The following IGF1R variants were observed in gnomAD, a reference collection of about 807,000 sequenced individuals.
IGF1R encodes the protein insulin like growth factor 1 receptor, also known as insulin-like growth factor 1 receptor.
A neutral mutation model predicts 144.6 loss-of-function variants in IGF1R; 44 were observed. The observed-to-expected ratio is 0.30, with a 90% CI of 0.24 to 0.39. The LOEUF (loss-of-function observed/expected upper bound fraction) is 0.39. Ranked by LOEUF, IGF1R falls within the 10% of genes least tolerant of loss-of-function variation. The pLI is 1.00. For synonymous variants in IGF1R, 795 were observed against 722.8 expected, an observed-to-expected ratio of 1.10 and a Z score of -1.60; for missense variants, 1,355 against 1,833.7, an observed-to-expected ratio of 0.74 and a Z score of 4.77.
intron 2 of IGF1R, among the ~76,000 whole-genome samples, chr15:98,833,179 A>G (rs976292760): frequency 2.0e-5 from 3 of 152,188 alleles, no homozygotes; most frequent in African/African-American, 7.2e-5. Flanking sequence ...AAACCAGCCA[A>G]TCAGCCAAGA....
At position 98,963,903 on chromosome 15, in the gene IGF1R, A is replaced by C. The variant is rs1596503776; in HGVS notation, c.*6461A>C. Reference sequence around the variant, plus strand: ...GGCCATGTCTCCCCAACTCCACAATATCTCTATCATGGGAAACACCTGGGG... The same window carrying C: ...GGCCATGTCTCCCCAACTCCACAATCTCTCTATCATGGGAAACACCTGGGG... On this transcript the variant is annotated 3_prime_UTR_variant, in exon 21 of 21. Coordinates refer to ENST00000650285, the MANE Select transcript of IGF1R (RefSeq NM_000875.5). 4.3e-6 allele frequency: 1 copy of C among 233,232 alleles called. No individual in the cohort carries two copies. Among genetic ancestry groups the C allele is most frequent in the Non-Finnish European group, 8.5e-6 (1 of 117,964 alleles). 14.4% of individuals were successfully genotyped at this position (233,232 alleles called of 1,614,324 possible).
chr15:98,963,271 AAAG>A lies in IGF1R; in HGVS notation c.*5830_*5832del, dbSNP rs1251657688. On this transcript the variant is annotated 3_prime_UTR_variant, in exon 21 of 21. Transcript: ENST00000650285. ...CTAGCTAGCTTTACAATATGCCAAA[AAAG>A]GATTTCTCCCTGACCCCATCCGTGG... The A allele has an allele frequency of 4.3e-6, 1 of 233,232 alleles. No homozygotes were observed. Among genetic ancestry groups the A allele is most frequent in the Admixed American group, 5.6e-5 (1 of 17,746 alleles). The allele number at this position is 233,232 out of a possible 1,614,324, so 14.4% of individuals were successfully genotyped here. A position where few individuals can be genotyped will look rare whatever the true frequency, so the allele number is the denominator to read the frequency against.
At chr15:98,827,749 A>G (rs1252528657) in intron 2 of IGF1R, among the ~76,000 whole-genome samples, 1 of 152,030 alleles carries the variant, frequency 6.6e-6, no homozygotes, top group Non-Finnish European at 1.5e-5. Context: ...CACCCGGCTA[A>G]TTTTTGTATT....
At chr15:98,802,066 C>T (rs981980589) in intron 2 of IGF1R, among the ~76,000 whole-genome samples, 5 of 152,080 alleles carry the variant, frequency 3.3e-5, no homozygotes, top group African/African-American at 9.7e-5. Context: ...AGTTGTGGCC[C>T]CTTTTCAACC....
At position 98,922,288 on chromosome 15, in the gene IGF1R, G is replaced by T; in HGVS notation, c.2342G>T (p.Arg781Ile). 1 of 1,614,184 alleles carries T rather than the reference G, an allele frequency of 6.2e-7. No homozygotes were observed. Among genetic ancestry groups the T allele is most frequent in the Non-Finnish European group, 8.5e-7 (1 of 1,180,030 alleles). Residue 781 changes from arginine to isoleucine, a missense_variant, in exon 11 of 21, where the codon AGA becomes ATA. Physicochemically the swap from Arg to Ile is moderately conservative, Grantham distance 97. Coordinates refer to ENST00000650285, the MANE Select transcript of IGF1R (RefSeq NM_000875.5). ...ACAGAGTACCCTTTCTTTGAGAGCAGAGTGGATAACAAGGAGAGAACTGTC... is the reference window on the plus strand; with the variant it reads ...ACAGAGTACCCTTTCTTTGAGAGCATAGTGGATAACAAGGAGAGAACTGTC... The part of the protein sequence containing the change: ...LETEYPFFES[R>I]VDNKERTVIS...
Position 98,649,679 on chromosome 15 carries a change from A to C in IGF1R, c.94+4A>C. 1 of 1,604,252 alleles carries C rather than the reference A, an allele frequency of 6.2e-7. No homozygotes were observed. Among genetic ancestry groups the C allele is most frequent in the Non-Finnish European group, 8.5e-7 (1 of 1,173,724 alleles). On this transcript the variant is annotated splice_donor_region_variant and intron_variant, in intron 1 of 20. Transcript: ENST00000650285. Reference sequence around the variant, plus strand: ...CTCTGGCCGACGAGTGGAGAAAGTGAGTATGTGCCCGCCGCCCGCGGCCAC... The same window carrying C: ...CTCTGGCCGACGAGTGGAGAAAGTGCGTATGTGCCCGCCGCCCGCGGCCAC...
intron 2 of IGF1R, among the ~76,000 whole-genome samples, chr15:98,746,464 T>C (rs2054868808): frequency 6.6e-6 from 1 of 152,180 alleles, no homozygotes; most frequent in Non-Finnish European, 1.5e-5. Flanking sequence ...TGGATAGATG[T>C]CTTTTTAGTG....
Position 98,719,658 on chromosome 15 carries a change from G to A in IGF1R, c.640+11551G>A, listed in dbSNP as rs534157761. On this transcript the variant is annotated intron_variant, in intron 2 of 20. Coordinates refer to ENST00000650285, the MANE Select transcript of IGF1R (RefSeq NM_000875.5). ...TTAATTGGCTTCGAGGTGTACTGGTGGCTGTGCAGTGATGACGGCTGTCGT... is the reference window on the plus strand; with the variant it reads ...TTAATTGGCTTCGAGGTGTACTGGTAGCTGTGCAGTGATGACGGCTGTCGT... 3.9e-5 allele frequency among the ~76,000 whole-genome samples: 6 copies of A among 152,290 alleles called. No homozygotes were observed. In the East Asian group the frequency reaches 1.2e-3, roughly 29 times the overall value.
At chr15:98,687,554 T>C (rs553918616) in intron 1 of IGF1R, among the ~76,000 whole-genome samples, 5 of 152,340 alleles carry the variant, frequency 3.3e-5, no homozygotes, top group Admixed American at 1.3e-4. Flanking sequence ...TTTGAAGGAC[T>C]TAATGCAGAA....
intron 5 of IGF1R, among the ~76,000 whole-genome samples, chr15:98,900,103 G>T (rs896610649): frequency 6.6e-6 from 1 of 152,190 alleles, no homozygotes; most frequent in Non-Finnish European, 1.5e-5. Flanking sequence ...AAAGAAACCC[G>T]GATTCACGAG....
chr15:98,837,431 G>C (rs906803414), intron 2 of IGF1R, among the ~76,000 whole-genome samples: 1 of 152,078 alleles, frequency 6.6e-6, no homozygotes, highest in African/African-American at 2.4e-5. Flanking sequence ...TAGTAGAGAC[G>C]GGGTTTCACA....
chr15:98,758,306 G>T (rs10794486), intron 2 of IGF1R, among the ~76,000 whole-genome samples: 7 of 151,476 alleles, frequency 4.6e-5, no homozygotes, highest in African/African-American at 1.5e-4. Context: ...TTCTTGGTTC[G>T]ATTAGTTCTG....
chr15:98,715,788 G>A (rs1170678105), intron 2 of IGF1R, among the ~76,000 whole-genome samples: 3 of 152,326 alleles, frequency 2.0e-5, no homozygotes, highest in East Asian at 1.9e-4. Flanking sequence ...CACCATCCTG[G>A]TTGGAATGTT....
intron 2 of IGF1R, among the ~76,000 whole-genome samples, chr15:98,728,103 G>A (rs181937598): frequency 2.7e-5 from 4 of 149,458 alleles, no homozygotes; most frequent in East Asian, 2.0e-4. Context: ...GGACCCAAGC[G>A]GGTTGCCCTG....
chr15:98,872,474 G>A (rs2141608991), intron 2 of IGF1R, among the ~76,000 whole-genome samples: 1 of 152,306 alleles, frequency 6.6e-6, no homozygotes, highest in East Asian at 1.9e-4. Context: ...CTTCAGCTGA[G>A]CAGGCAGAAT....
At chr15:98,831,780 T>C (rs2057005820) in intron 2 of IGF1R, among the ~76,000 whole-genome samples, 1 of 152,152 alleles carries the variant, frequency 6.6e-6, no homozygotes, top group Non-Finnish European at 1.5e-5. Context: ...TAAATGATGC[T>C]CTTTAGAATT....
chr15:98,655,930 C>T (rs760709003), intron 1 of IGF1R, among the ~76,000 whole-genome samples: 12 of 152,182 alleles, frequency 7.9e-5, no homozygotes, highest in Non-Finnish European at 1.3e-4. Flanking sequence ...TGGACTCAAG[C>T]GATCCACTCA....
intron 1 of IGF1R, among the ~76,000 whole-genome samples, chr15:98,674,977 ATTTTTTTTTTTT>A (rs71149408): frequency 1.0e-5 from 1 of 98,892 alleles, no homozygotes; most frequent in Non-Finnish European, 1.8e-5. Context: ...GTATTTTACA[ATTTTTTTTTTTT>A]TTTTTTTTTT....
At chr15:98,907,685 G>T (rs1015611732) in intron 5 of IGF1R, among the ~76,000 whole-genome samples, 1 of 152,218 alleles carries the variant, frequency 6.6e-6, no homozygotes, top group Non-Finnish European at 1.5e-5. Context: ...GACCTAAGCC[G>T]TAGCTGTCTG....
Sources: gnomAD v4.1 joint callset for allele counts (sites outside exome capture counted in the v4.1 genomes callset) on GRCh38, gnomAD v4.1.1 for gene constraint, MANE v1.5 for transcripts, NCBI Gene and HGNC (gene_info 2026-07-23, HGNC 2026-07-21) for gene names.